KCNIP2: variants seen among roughly 807,000 people sequenced by gnomAD.
KCNIP2 encodes the protein potassium voltage-gated channel interacting protein 2.
A neutral mutation model predicts 39.0 loss-of-function variants in KCNIP2; 19 were observed. The ratio of observed to expected loss-of-function variants is 0.49; its 90% CI spans 0.34 to 0.71. The LOEUF (loss-of-function observed/expected upper bound fraction) is 0.71, where lower values mean the gene tolerates loss of function less well. Among genes scored for constraint, KCNIP2 ranks in the 30% least tolerant of loss-of-function variants. The pLI, the probability that KCNIP2 is intolerant of heterozygous loss-of-function variation, is 0.01. For missense variants in KCNIP2, 261 were observed against 346.0 expected (o/e 0.75, Z 1.95); for synonymous variants, 111 against 131.2 (o/e 0.85, Z 1.05).
At chr10:101,831,404 A>T (rs561833318) in intron 1 of KCNIP2, among the ~76,000 whole-genome samples, 1 of 152,258 alleles carries the variant, frequency 6.6e-6, no homozygotes, top group Non-Finnish European at 1.5e-5. Context: ...GCGAGGCGGC[A>T]AGGATGAGGT....
chr10:101,839,852 GA>G (rs1481215221), intron 1 of KCNIP2: 1 of 1,589,456 alleles, frequency 6.3e-7, no homozygotes. Context: ...GTTTGGCGGC[GA>G]GCTCGGCGTC....
chr10:101,834,528 C>T (rs760252135), intron 1 of KCNIP2, among the ~76,000 whole-genome samples: 4 of 152,216 alleles, frequency 2.6e-5, no homozygotes, highest in East Asian at 3.8e-4. Flanking sequence ...CCCATCACCC[C>T]GCCTCTGCCC....
At chr10:101,829,408 G>A (rs2065878230) in intron 3 of KCNIP2, 4 of 609,490 alleles carry the variant, frequency 6.6e-6, no homozygotes, top group Non-Finnish European at 2.7e-6. Flanking sequence ...CCAAGGCCTG[G>A]CCTGGCCCCA....
intron 1 of KCNIP2, among the ~76,000 whole-genome samples, chr10:101,842,008 C>T (rs1437846986): frequency 6.6e-6 from 1 of 152,208 alleles, no homozygotes; most frequent in African/African-American, 2.4e-5. Context: ...CTCCCCTGAT[C>T]CTGACTAGGG....
chr10:101,835,649 T>C (rs2066130860), intron 1 of KCNIP2, among the ~76,000 whole-genome samples: 2 of 151,864 alleles, frequency 1.3e-5, no homozygotes, highest in South Asian at 4.2e-4. Context: ...TCTTCCCTGC[T>C]TCTTCTTGGT....
rs988068210 is a variant in KCNIP2 at position 101,827,139 on chromosome 10, G to A, written c.*214C>T. 8.6e-7 allele frequency: 1 copy of A among 1,164,970 alleles called. No individual in the cohort carries two copies. Among genetic ancestry groups the A allele is most frequent in the Non-Finnish European group, 1.1e-6 (1 of 910,716 alleles). The allele number at this position is 1,164,970 out of a possible 1,614,324, so 72.2% of individuals were successfully genotyped here. On this transcript the variant is annotated 3_prime_UTR_variant, in exon 10 of 10. Coordinates refer to ENST00000356640, the MANE Select transcript of KCNIP2 (RefSeq NM_173191.3). ...AGGCAGGAAGGGGGTGAGAGCTGGT[G>A]GGAGTTGGGAACACCCCCCGAGATG...
At chr10:101,842,001 C>T (rs1319953234) in intron 1 of KCNIP2, among the ~76,000 whole-genome samples, 1 of 152,142 alleles carries the variant, frequency 6.6e-6, no homozygotes, top group East Asian at 1.9e-4. Context: ...TGAGTGGCTC[C>T]CCTGATCCTG....
At chr10:101,831,686 A>T (rs1307354381) in intron 1 of KCNIP2, among the ~76,000 whole-genome samples, 1 of 152,128 alleles carries the variant, frequency 6.6e-6, no homozygotes, top group Non-Finnish European at 1.5e-5. Flanking sequence ...TCCTTAACAC[A>T]AACATATACA....
chr10:101,826,375 C>G lies in KCNIP2; in HGVS notation c.*978G>C, dbSNP rs917021658. 3.3e-5 allele frequency: 5 copies of G among 152,696 alleles called. No individual in the cohort carries two copies. The highest frequency in any genetic ancestry group is 1.2e-4 in the African/African-American group (5 of 41,410). The allele number at this position is 152,696 out of a possible 1,614,324, so 9.5% of individuals were successfully genotyped here. ...CTGGGTTCAGATGCTATGCCTGCCT[C>G]CCTCCTTCCCTCTCCCTTCTAAGGC... On this transcript the variant is annotated 3_prime_UTR_variant, in exon 10 of 10. Transcript: ENST00000356640.
In KCNIP2 at chr10:101,828,541, C is replaced by A. The variant is rs1024619397; in HGVS notation, c.419-82G>T. The A allele has an allele frequency of 5.0e-6, 8 of 1,597,478 alleles. No homozygotes were observed. The highest frequency in any genetic ancestry group is 6.0e-6 in the Non-Finnish European group (7 of 1,166,094). On this transcript the variant is annotated intron_variant, in intron 5 of 9. Transcript: ENST00000356640. This position sits in a 1 kb window ranked among gnomAD's most constrained non-coding sequence, Gnocchi z 6.6. ...AAGGAGCTCCCCATACCCCCCATCA[C>A]CTTGGCATTCCCAGCTCCTCCAGAA...
chr10:101,838,857 T>A lies in KCNIP2; in HGVS notation c.73+4639A>T, dbSNP rs1383377272. On this transcript the variant is annotated intron_variant, in intron 1 of 9. Transcript: ENST00000356640. This position sits in a 1 kb window ranked among gnomAD's most constrained non-coding sequence, Gnocchi z 4.0. ...ATGCCACAGGACCAGGTTGTTTTGG[T>A]CTGTTTGAGGTCAGGTACAGAGGAG... 1.3e-5 allele frequency among the ~76,000 whole-genome samples: 2 copies of A among 152,166 alleles called. No homozygotes were observed. Among genetic ancestry groups the A allele is most frequent in the African/African-American group, 4.8e-5 (2 of 41,434 alleles).
Position 101,828,046 on chromosome 10 carries a change from G to A in KCNIP2, c.598-53C>T, listed in dbSNP as rs1033327259. ...TTCCTCAGAGCCTCCAGCCTCCCTTGATCCCTTGCTTGTGGGCATATGTGG... is the reference window on the plus strand; with the variant it reads ...TTCCTCAGAGCCTCCAGCCTCCCTTAATCCCTTGCTTGTGGGCATATGTGG... On this transcript the variant is annotated intron_variant, in intron 7 of 9. Coordinates refer to ENST00000356640, the MANE Select transcript of KCNIP2 (RefSeq NM_173191.3). The surrounding 1 kb of genome is among the most constrained non-coding windows in gnomAD (Gnocchi z 6.6). The A allele has an allele frequency of 1.9e-6, 3 of 1,566,260 alleles. No homozygotes were observed. Among genetic ancestry groups the A allele is most frequent in the Non-Finnish European group, 2.6e-6 (3 of 1,136,600 alleles).
At chr10:101,833,880 C>T (rs2066067868) in intron 1 of KCNIP2, among the ~76,000 whole-genome samples, 1 of 152,052 alleles carries the variant, frequency 6.6e-6, no homozygotes, top group Non-Finnish European at 1.5e-5. Flanking sequence ...CCCCAGAAAT[C>T]CGTTGTTATC....
chr10:101,839,911 C>G, intron 1 of KCNIP2: 1 of 1,450,190 alleles, frequency 6.9e-7, no homozygotes, highest in Non-Finnish European at 9.2e-7. Flanking sequence ...CGCCCTCACC[C>G]GGGTAGGCCC....
In KCNIP2 at chr10:101,826,232, G is replaced by A. The variant is rs1443687325; in HGVS notation, c.*1121C>T. On this transcript the variant is annotated 3_prime_UTR_variant, in exon 10 of 10. Coordinates refer to ENST00000356640, the MANE Select transcript of KCNIP2 (RefSeq NM_173191.3). Reference sequence around the variant, plus strand: ...GGTCCCTGCCCTCTAGGTGTGCTAAGGGGCATCTCTGGGTAGATTGAGTCA... The same window carrying A: ...GGTCCCTGCCCTCTAGGTGTGCTAAAGGGCATCTCTGGGTAGATTGAGTCA... The A allele has an allele frequency of 6.6e-6, 1 of 152,638 alleles. No homozygotes were observed. The highest frequency in any genetic ancestry group is 1.5e-5 in the Non-Finnish European group (1 of 68,064). 9.5% of individuals were successfully genotyped at this position (152,638 alleles called of 1,614,324 possible). A position where few individuals can be genotyped will look rare whatever the true frequency, so the allele number is the denominator to read the frequency against.
intron 1 of KCNIP2, 48 bp from the exon 2 acceptor site, chr10:101,831,215 C>A: frequency 7.3e-7 from 1 of 1,366,350 alleles, no homozygotes; most frequent in Non-Finnish European, 1.0e-6. Context: ...CCCATTGTCC[C>A]TCTGTTCCCT....
chr10:101,826,567 CCCA>C lies in KCNIP2; in HGVS notation c.*783_*785del, dbSNP rs2065754037. On this transcript the variant is annotated 3_prime_UTR_variant, in exon 10 of 10. Transcript: ENST00000356640. ...CCAGGACATCCCCCATCCACATTCC[CCCA>C]CCACAACCACCACCAACACATGCAG... 6.6e-6 allele frequency: 1 copy of C among 152,344 alleles called. No homozygotes were observed. The highest frequency in any genetic ancestry group is 6.5e-5 in the Admixed American group (1 of 15,278). The allele number at this position is 152,344 out of a possible 1,614,324, so 9.4% of individuals were successfully genotyped here.
intron 2 of KCNIP2, 159 bp from the exon 3 acceptor site, chr10:101,830,056 T>C (rs920892603): frequency 4.9e-6 from 4 of 823,688 alleles, no homozygotes; most frequent in East Asian, 2.9e-5. Context: ...GCACACAAGC[T>C]TGCGGGACTC....
rs764979702 is a variant in KCNIP2 at position 101,828,482 on chromosome 10, T to G, written c.419-23A>C. Reference sequence around the variant, plus strand: ...AGTCTGCAGGGTGAGTGTGGAGAAGTTGGCTTCCACACAGGAGAGGACTTC... The same window carrying G: ...AGTCTGCAGGGTGAGTGTGGAGAAGGTGGCTTCCACACAGGAGAGGACTTC... On this transcript the variant is annotated intron_variant, in intron 5 of 9. Transcript: ENST00000356640. This position sits in a 1 kb window ranked among gnomAD's most constrained non-coding sequence, Gnocchi z 6.6. The G allele has an allele frequency of 3.1e-6, 5 of 1,613,000 alleles. No homozygotes were observed. Among genetic ancestry groups the G allele is most frequent in the Admixed American group, 1.7e-5 (1 of 59,916 alleles).
Sources: allele counts gnomAD v4.1 joint callset (sites outside exome capture counted in the v4.1 genomes callset), GRCh38; gene constraint gnomAD v4.1.1; non-coding constraint Gnocchi (gnomAD v3.1); transcripts MANE v1.5; gene names NCBI Gene and HGNC (gene_info 2026-07-23, HGNC 2026-07-21).